Variants in ATG5 observed in about 807,000 individuals in gnomAD.
ATG5 encodes the protein autophagy related 5.
Under a neutral mutation model 36.5 loss-of-function variants are expected in ATG5, and 14 were observed. That is an observed-to-expected ratio of 0.38 (90% CI 0.25 to 0.60). The LOEUF is 0.60. Among genes scored for constraint, ATG5 ranks in the 20% least tolerant of loss-of-function variants. ATG5 has a pLI of 0.60. For synonymous variants in ATG5, 95 were observed against 101.5 expected (o/e 0.94, Z 0.38); for missense variants, 195 against 326.7 (o/e 0.60, Z 3.11).
Position 106,298,561 on chromosome 6 carries a change from AT to A in ATG5, c.237-5456del, listed in dbSNP as rs936539692. Among the ~76,000 whole-genome samples the A allele has an allele frequency of 6.3e-4, 82 of 130,742 alleles. 1 individual carries two copies. The highest frequency in any genetic ancestry group is 2.4e-3 in the Admixed American group (22 of 9,358). 85.8% of individuals were successfully genotyped at this position (130,742 alleles called of 152,430 possible). On this transcript the variant is annotated intron_variant, in intron 3 of 7. Coordinates refer to ENST00000369076, the MANE Select transcript of ATG5 (RefSeq NM_004849.4). ...GGGAGACTCCATCTCCATAAAAAAA[AT>A]AAATAAAGTATTAACATAAAAACAT...
intron 6 of ATG5, among the ~76,000 whole-genome samples, chr6:106,228,095 C>A (rs967352594): frequency 6.6e-6 from 1 of 152,230 alleles, no homozygotes; most frequent in Non-Finnish European, 1.5e-5. Flanking sequence ...AGGAGTTTCA[C>A]CAGTCCATAA....
intron 7 of ATG5, among the ~76,000 whole-genome samples, chr6:106,190,319 C>T (rs1446908276): frequency 6.6e-6 from 1 of 152,180 alleles, no homozygotes; most frequent in South Asian, 2.1e-4. Flanking sequence ...GTGTGAGAGA[C>T]AGTGAACCCA....
At chr6:106,224,865 G>A (rs565414212) in intron 6 of ATG5, among the ~76,000 whole-genome samples, 1 of 152,244 alleles carries the variant, frequency 6.6e-6, no homozygotes, top group South Asian at 2.1e-4. Context: ...TGGGCAAAAA[G>A]AGCGAAACTC....
intron 6 of ATG5, among the ~76,000 whole-genome samples, chr6:106,211,796 G>C (rs1374488487): frequency 6.6e-6 from 1 of 152,182 alleles, no homozygotes; most frequent in African/African-American, 2.4e-5. Flanking sequence ...AGTCTTCTTG[G>C]TTGAGCTGAA....
chr6:106,307,670 C>T (rs1582682250), intron 3 of ATG5, among the ~76,000 whole-genome samples: 1 of 151,710 alleles, frequency 6.6e-6, no homozygotes, highest in Non-Finnish European at 1.5e-5. Flanking sequence ...CCAAATAGCC[C>T]GGATTACAGG....
chr6:106,239,506 C>T (rs1284151915), intron 6 of ATG5, among the ~76,000 whole-genome samples: 1 of 152,092 alleles, frequency 6.6e-6, no homozygotes. Flanking sequence ...AAATTAATAA[C>T]TGAGAATAAC....
At chr6:106,269,404 C>CT (rs397978595) in intron 5 of ATG5, among the ~76,000 whole-genome samples, 1 of 152,174 alleles carries the variant, frequency 6.6e-6, no homozygotes, top group African/African-American at 2.4e-5. Context: ...CGCCGTGCCC[C>CT]GCACTCCTCA....
chr6:106,324,133 C>A (rs941949036), intron 1 of ATG5, among the ~76,000 whole-genome samples: 1 of 152,148 alleles, frequency 6.6e-6, no homozygotes, highest in Non-Finnish European at 1.5e-5. Context: ...TTGGCCCTTC[C>A]TACCCATGGG....
At chr6:106,244,967 T>C (rs572176808) in intron 6 of ATG5, among the ~76,000 whole-genome samples, 9 of 152,358 alleles carry the variant, frequency 5.9e-5, no homozygotes, top group African/African-American at 2.2e-4. Flanking sequence ...TTTTGACAAA[T>C]GCCTTCATTA....
At chr6:106,213,649 A>G (rs1000295226) in intron 6 of ATG5, among the ~76,000 whole-genome samples, 4 of 152,218 alleles carry the variant, frequency 2.6e-5, no homozygotes, top group African/African-American at 9.6e-5. Context: ...TAAAGGCCAT[A>G]GCATATAGAG....
At chr6:106,298,067 C>T (rs1306459585) in intron 3 of ATG5, among the ~76,000 whole-genome samples, 3 of 150,972 alleles carry the variant, frequency 2.0e-5, no homozygotes, top group Non-Finnish European at 4.4e-5. Flanking sequence ...CAGGTTCAAG[C>T]GATTCTCCTG....
intron 6 of ATG5, among the ~76,000 whole-genome samples, chr6:106,225,882 A>G (rs1777434306): frequency 6.6e-6 from 1 of 152,230 alleles, no homozygotes; most frequent in South Asian, 2.1e-4. Context: ...CAAACAAGCT[A>G]ACCAAAAAAT....
chr6:106,279,050 C>T (rs1166737202), intron 5 of ATG5, among the ~76,000 whole-genome samples: 1 of 152,138 alleles, frequency 6.6e-6, no homozygotes, highest in African/African-American at 2.4e-5. Context: ...ATACTGGAAC[C>T]ATGGAAAGGG....
rs554980468 is a variant in ATG5, at chr6:106,274,677, CTTTAGT to C, written c.478+4978_478+4983del. Among the ~76,000 whole-genome samples, 160 of 152,222 alleles carry C rather than the reference CTTTAGT, an allele frequency of 1.1e-3. 2 individuals carry two copies. In the East Asian group the frequency reaches 0.022, roughly 21 times the overall value. ...TAAATAAATTCAAACAAGACACTTC[CTTTAGT>C]TTAATAGGAAACTACTTATGAAAAA... is the stretch of plus-strand genomic sequence containing the variant. On this transcript the variant is annotated intron_variant, in intron 5 of 7. Coordinates refer to ENST00000369076, the MANE Select transcript of ATG5 (RefSeq NM_004849.4).
chr6:106,321,510 C>A (rs1322704167), intron 1 of ATG5, among the ~76,000 whole-genome samples: 1 of 152,140 alleles, frequency 6.6e-6, no homozygotes, highest in Non-Finnish European at 1.5e-5. Flanking sequence ...AGGCGCCCGC[C>A]ACCGCGCCAA....
intron 6 of ATG5, among the ~76,000 whole-genome samples, chr6:106,220,914 G>C (rs957746352): frequency 2.6e-5 from 4 of 152,212 alleles, no homozygotes; most frequent in African/African-American, 9.7e-5. Context: ...GAAAGGGACT[G>C]AAAGTAAAAT....
intron 3 of ATG5, among the ~76,000 whole-genome samples, chr6:106,299,919 T>C (rs1011068770): frequency 1.3e-5 from 2 of 152,314 alleles, no homozygotes; most frequent in South Asian, 4.1e-4. Flanking sequence ...GGGATTACAT[T>C]TCATTGTAAC....
chr6:106,293,025 T>A lies in ATG5; in HGVS notation c.315+3A>T. ...GACGAAGGAGAAATGCAATTTACTA[T>A]ACCTTAAAATGTACTGTGATGTTCC... On this transcript the variant is annotated splice_donor_region_variant and intron_variant, in intron 4 of 7. Transcript: ENST00000369076. 6.2e-7 allele frequency: 1 copy of A among 1,610,318 alleles called. No homozygotes were observed. The highest frequency in any genetic ancestry group is 8.5e-7 in the Non-Finnish European group (1 of 1,177,686).
chr6:106,242,141 C>T (rs1338474389), intron 6 of ATG5, among the ~76,000 whole-genome samples: 2 of 95,046 alleles, frequency 2.1e-5, no homozygotes, highest in South Asian at 3.2e-4. Flanking sequence ...CACATACTCA[C>T]ACACACACAC....
Sources: gnomAD v4.1 joint callset for allele counts (sites outside exome capture counted in the v4.1 genomes callset) on GRCh38, gnomAD v4.1.1 for gene constraint, MANE v1.5 for transcripts, NCBI Gene and HGNC (gene_info 2026-07-23, HGNC 2026-07-21) for gene names.